Variants in NRF1 observed in about 807,000 individuals in gnomAD.
NRF1 encodes nuclear respiratory factor 1.
NRF1 carries 5 observed loss-of-function variants against 58.5 expected under a neutral mutation model. That is an observed-to-expected ratio of 0.09 (90% confidence interval 0.04 to 0.18). NRF1 has a LOEUF of 0.18. Among genes scored for constraint, NRF1 ranks in the 10% least tolerant of loss-of-function variants. The pLI, the probability that NRF1 is intolerant of heterozygous loss-of-function variation, is 1.00. For synonymous variants in NRF1, 224 were observed against 246.7 expected, an observed-to-expected ratio of 0.91 and a Z score of 0.86; for missense variants, 288 against 657.7, an observed-to-expected ratio of 0.44 and a Z score of 6.15.
At chr7:129,746,869 T>G (rs559189777) in intron 10 of NRF1, among the ~76,000 whole-genome samples, 1 of 152,230 alleles carries the variant, frequency 6.6e-6, no homozygotes, top group Non-Finnish European at 1.5e-5. Flanking sequence ...TCAACAGCCA[T>G]CAATATTTTT....
chr7:129,623,314 T>C lies in NRF1; in HGVS notation c.-7+11490T>C, dbSNP rs183536908. On this transcript the variant is annotated intron_variant, in intron 1 of 10. Coordinates refer to ENST00000393232, the MANE Select transcript of NRF1 (RefSeq NM_005011.5). ...TTTACCCTGGGAGCTTCTGAGTTACTCTAGTTGTCAGCACGTGAAGTATTA... is the reference window on the plus strand; with the variant it reads ...TTTACCCTGGGAGCTTCTGAGTTACCCTAGTTGTCAGCACGTGAAGTATTA... Among the ~76,000 whole-genome samples the C allele has an allele frequency of 8.5e-5, 13 of 152,278 alleles. No homozygotes were observed. The East Asian group carries it at 2.5e-3, about 29-fold the overall frequency.
In NRF1 at chr7:129,661,429, T is replaced by A. The variant is rs534309210; in HGVS notation, c.223+3855T>A. ...AAACTTTCATGTTTTCCTTCCCTTA[T>A]AAAACAATGCCTTTAACAGCACCCA... On this transcript the variant is annotated intron_variant, in intron 2 of 10. Transcript: ENST00000393232. Among the ~76,000 whole-genome samples the A allele has an allele frequency of 2.0e-5, 3 of 151,304 alleles. No homozygotes were observed. In the South Asian group the frequency reaches 6.2e-4, roughly 31 times the overall value.
At position 129,742,275 on chromosome 7, in the gene NRF1, T is replaced by TAA. The variant is rs71167214; in HGVS notation, c.1349-12727_1349-12726dup. Among the ~76,000 whole-genome samples the TAA allele has an allele frequency of 8.2e-4, 104 of 126,786 alleles. 7 individuals carry two copies. Among genetic ancestry groups the TAA allele is most frequent in the East Asian group, 9.3e-4 (4 of 4,316 alleles). The allele number at this position is 126,786 out of a possible 152,430, so 83.2% of individuals were successfully genotyped here. A position where few individuals can be genotyped will look rare whatever the true frequency, so the allele number is the denominator to read the frequency against. On this transcript the variant is annotated intron_variant, in intron 10 of 10. Coordinates refer to ENST00000393232, the MANE Select transcript of NRF1 (RefSeq NM_005011.5). ...ATGGGATTTTCTAAGTGAAATTGAT[T>TAA]AAAAAAAAAAAAAAAAACAAAAAAC...
At chr7:129,677,495 C>T (rs749002170) in intron 3 of NRF1, 137 bp from the exon 4 acceptor site, 40 of 740,422 alleles carry the variant, frequency 5.4e-5, no homozygotes, top group Middle Eastern at 3.8e-4. Flanking sequence ...GGATAGCAAA[C>T]CTCACATTCC....
At chr7:129,673,890 A>T (rs1802114422) in intron 3 of NRF1, among the ~76,000 whole-genome samples, 1 of 152,160 alleles carries the variant, frequency 6.6e-6, no homozygotes, top group Admixed American at 6.5e-5. Flanking sequence ...CTATAATCCC[A>T]GCACTTTGGG....
chr7:129,685,999 G>A (rs1802435071), intron 4 of NRF1, among the ~76,000 whole-genome samples: 1 of 151,426 alleles, frequency 6.6e-6, no homozygotes, highest in Non-Finnish European at 1.5e-5. Flanking sequence ...CTACTCAGGA[G>A]GCTGAGGCAG....
Position 129,692,819 on chromosome 7 carries a change from G to T in NRF1, c.606+2273G>T, listed in dbSNP as rs1424175527. On this transcript the variant is annotated intron_variant, in intron 5 of 10. Transcript: ENST00000393232. Reference sequence around the variant, plus strand: ...TTATTTTGCTTTTGCTGTTCCCTTTGCCTGAGTATTGTTCTCCCAGATGAT... The same window carrying T: ...TTATTTTGCTTTTGCTGTTCCCTTTTCCTGAGTATTGTTCTCCCAGATGAT... Among the ~76,000 whole-genome samples the T allele has an allele frequency of 2.6e-5, 4 of 152,040 alleles. No individual in the cohort carries two copies. The East Asian group carries it at 7.7e-4, about 29-fold the overall frequency.
intron 5 of NRF1, among the ~76,000 whole-genome samples, chr7:129,702,210 A>G (rs1396922883): frequency 6.6e-6 from 1 of 152,298 alleles, no homozygotes; most frequent in South Asian, 2.1e-4. Context: ...GAAACTAACC[A>G]AACTGTCTCC....
rs375274519 is a variant in NRF1, at chr7:129,688,783, C to T, written c.466-1623C>T. Among the ~76,000 whole-genome samples, 4 of 152,268 alleles carry T rather than the reference C, an allele frequency of 2.6e-5. No homozygotes were observed. In the South Asian group the frequency reaches 8.3e-4, roughly 32 times the overall value. ...AACCATCAGCTCTTATGAGAACTCA[C>T]TATCACGAGAACAACATGGGAGAAA... On this transcript the variant is annotated intron_variant, in intron 4 of 10. Transcript: ENST00000393232.
intron 10 of NRF1, among the ~76,000 whole-genome samples, chr7:129,729,150 C>T (rs1286495556): frequency 6.6e-6 from 1 of 152,140 alleles, no homozygotes; most frequent in East Asian, 1.9e-4. Flanking sequence ...CCATTCTAAT[C>T]GACTTGACCT....
chr7:129,688,569 A>G (rs184416740), intron 4 of NRF1, among the ~76,000 whole-genome samples: 3 of 152,324 alleles, frequency 2.0e-5, no homozygotes, highest in Non-Finnish European at 4.4e-5. Flanking sequence ...GTGACTGGGT[A>G]ATTTATAAAT....
chr7:129,749,783 A>G (rs568783173), intron 10 of NRF1, among the ~76,000 whole-genome samples: 58 of 151,846 alleles, frequency 3.8e-4, no homozygotes, highest in Non-Finnish European at 2.8e-4. Flanking sequence ...CAACTCAGTC[A>G]TTTGGGGAAC....
chr7:129,738,234 T>G (rs1803765183), intron 10 of NRF1, among the ~76,000 whole-genome samples: 1 of 152,240 alleles, frequency 6.6e-6, no homozygotes, highest in South Asian at 2.1e-4. Context: ...GGGATAGTCC[T>G]AGACCTGAAA....
At chr7:129,641,156 A>G (rs1343157362) in intron 1 of NRF1, among the ~76,000 whole-genome samples, 3 of 152,090 alleles carry the variant, frequency 2.0e-5, no homozygotes, top group African/African-American at 7.2e-5. Context: ...AGCCTTAATA[A>G]TGTGTTTAGA....
intron 9 of NRF1, among the ~76,000 whole-genome samples, chr7:129,718,237 T>C (rs546437932): frequency 3.3e-5 from 5 of 152,288 alleles, no homozygotes; most frequent in Admixed American, 1.3e-4. Context: ...AAATTAATGG[T>C]CAAGAGTGTG....
intron 5 of NRF1, among the ~76,000 whole-genome samples, 185 bp downstream of exon 5, chr7:129,690,731 C>T (rs148681053): frequency 6.6e-6 from 1 of 152,244 alleles, no homozygotes; most frequent in African/African-American, 2.4e-5. Flanking sequence ...GTGCTCCCAA[C>T]CAAGGGCATG....
intron 3 of NRF1, among the ~76,000 whole-genome samples, chr7:129,675,373 G>T (rs1384890040): frequency 1.3e-5 from 2 of 152,166 alleles, no homozygotes; most frequent in Admixed American, 1.3e-4. Flanking sequence ...CCATGTACTT[G>T]CACATGAATT....
intron 1 of NRF1, among the ~76,000 whole-genome samples, chr7:129,621,783 T>A (rs1454424865): frequency 2.5e-5 from 1 of 40,060 alleles, no homozygotes; most frequent in African/African-American, 1.0e-4. Context: ...TCCATAGAAT[T>A]TTTTTTTTTT....
At chr7:129,711,904 A>T (rs2116199744) in intron 8 of NRF1, among the ~76,000 whole-genome samples, 1 of 152,208 alleles carries the variant, frequency 6.6e-6, no homozygotes, top group East Asian at 1.9e-4. Flanking sequence ...GTCTTTATGA[A>T]AAAAAAATGT....
Sources: allele counts gnomAD v4.1 joint callset (sites outside exome capture counted in the v4.1 genomes callset), GRCh38; gene constraint gnomAD v4.1.1; transcripts MANE v1.5; gene names NCBI Gene and HGNC (gene_info 2026-07-23, HGNC 2026-07-21).